The following PHF21A variants were observed in gnomAD, a reference collection of about 807,000 sequenced individuals.
PHF21A encodes BHC80a.
Under a neutral mutation model 82.5 loss-of-function variants are expected in PHF21A, and 11 were observed. The ratio of observed to expected loss-of-function variants is 0.13; its 90% CI spans 0.08 to 0.22. The LOEUF (loss-of-function observed/expected upper bound fraction) is 0.22. Among genes scored for constraint, PHF21A ranks in the 10% least tolerant of loss-of-function variants. PHF21A has a pLI of 1.00. For missense variants in PHF21A, 579 were observed against 837.8 expected (o/e 0.69, Z 3.81); for synonymous variants, 297 against 302.8 (o/e 0.98, Z 0.20).
At chr11:45,945,543 T>C (rs1378887326) in intron 15 of PHF21A, among the ~76,000 whole-genome samples, 2 of 152,190 alleles carry the variant, frequency 1.3e-5, no homozygotes, top group Non-Finnish European at 2.9e-5. Flanking sequence ...CTCAACTGTA[T>C]GAGCTGATCT....
intron 10 of PHF21A, among the ~76,000 whole-genome samples, chr11:45,954,198 T>C (rs2092437657): frequency 6.6e-6 from 1 of 152,098 alleles, no homozygotes; most frequent in Admixed American, 6.5e-5. Context: ...GGTTTCACCA[T>C]GTTGGTCAGG....
rs141651690 is a variant in PHF21A at position 45,965,362 on chromosome 11, C to A, written c.949G>T (p.Ala317Ser). Residue 317 changes from alanine (A) to serine (S), a missense_variant, in exon 10 of 19, where the codon GCT (alanine) becomes TCT (serine). Coordinates refer to ENST00000676320, the MANE Select transcript of PHF21A (RefSeq NM_001352027.3). Reference protein sequence around the residue: ...IVIATPGTRLAGPQTVQLSKP... With the variant: ...IVIATPGTRLSGPQTVQLSKP... ...CTAAGCTGTACAGTTTGAGGTCCAGCGAGTCTGGTCCCTGGAGTAGCTATC... is the reference window on the plus strand; with the variant it reads ...CTAAGCTGTACAGTTTGAGGTCCAGAGAGTCTGGTCCCTGGAGTAGCTATC... The A allele has an allele frequency of 1.2e-6, 2 of 1,613,904 alleles. No individual in the cohort carries two copies. Among genetic ancestry groups the A allele is most frequent in the Non-Finnish European group, 1.7e-6 (2 of 1,179,954 alleles).
intron 6 of PHF21A, among the ~76,000 whole-genome samples, chr11:46,069,231 G>A (rs2096628748): frequency 6.6e-6 from 1 of 152,138 alleles, no homozygotes; most frequent in Admixed American, 6.5e-5. Context: ...TACATTTCCT[G>A]TATTTGATGA....
At chr11:45,947,193 G>C (rs2091422950) in intron 14 of PHF21A, among the ~76,000 whole-genome samples, 1 of 152,172 alleles carries the variant, frequency 6.6e-6, no homozygotes, top group Non-Finnish European at 1.5e-5. Context: ...TGTGGGTACA[G>C]AAAGTCTAGG....
At chr11:46,062,416 T>C (rs1376857334) in intron 6 of PHF21A, among the ~76,000 whole-genome samples, 1 of 152,180 alleles carries the variant, frequency 6.6e-6, no homozygotes, top group African/African-American at 2.4e-5. Context: ...TCCATCTATT[T>C]ATTGAGAAAC....
Position 46,040,890 on chromosome 11 carries a change from G to GACACACAC in PHF21A, c.153+35856_153+35863dup, listed in dbSNP as rs35673374. Reference sequence around the variant, plus strand: ...ACCCTTAGAACTACACTGACAGGAAGACACACACACACACACACACACACA... The same window carrying GACACACAC: ...ACCCTTAGAACTACACTGACAGGAAGACACACACACACACACACACACACACACACACA... On this transcript the variant is annotated intron_variant, in intron 6 of 18. Coordinates refer to ENST00000676320, the MANE Select transcript of PHF21A (RefSeq NM_001352027.3). 5.7e-3 allele frequency among the ~76,000 whole-genome samples: 783 copies of GACACACAC among 137,290 alleles called. 3 individuals carry two copies. The highest frequency in any genetic ancestry group is 0.017 in the African/African-American group (610 of 36,810). 90.1% of individuals were successfully genotyped at this position (137,290 alleles called of 152,430 possible). A position where few individuals can be genotyped will look rare whatever the true frequency, so the allele number is the denominator to read the frequency against.
At chr11:46,103,791 C>G (rs994963304) in intron 1 of PHF21A, among the ~76,000 whole-genome samples, 1 of 152,116 alleles carries the variant, frequency 6.6e-6, no homozygotes, top group African/African-American at 2.4e-5. Context: ...ACGTTCAGAT[C>G]CTGATCAGTA....
chr11:46,030,830 C>CGTGTGTGTGTGCGTGTGTGTGCGT (rs2095850928), intron 6 of PHF21A, among the ~76,000 whole-genome samples: 13 of 142,310 alleles, frequency 9.1e-5, no homozygotes, highest in African/African-American at 3.1e-4. Flanking sequence ...CGTGTGTGTG[C>CGTGTGTGTGTGCGTGTGTGTGCGT]GTGTGTGTGT....
chr11:46,016,347 C>T (rs186280535), intron 6 of PHF21A, among the ~76,000 whole-genome samples: 4 of 152,300 alleles, frequency 2.6e-5, no homozygotes, highest in Admixed American at 2.0e-4. Context: ...GCATTTAAGG[C>T]CCTTAACAAC....
At chr11:45,949,304 G>T in intron 13 of PHF21A, 98 bp downstream of exon 13, 1 of 963,268 alleles carries the variant, frequency 1.0e-6, no homozygotes, top group South Asian at 1.3e-5. Flanking sequence ...AGTACAATCA[G>T]GGTGCTGCTC....
intron 6 of PHF21A, among the ~76,000 whole-genome samples, chr11:46,075,399 T>C (rs1592861827): frequency 6.6e-6 from 1 of 152,220 alleles, no homozygotes; most frequent in African/African-American, 2.4e-5. Flanking sequence ...GACTCATTCA[T>C]TGGCGTCTTG....
Position 45,998,633 on chromosome 11 carries a change from C to A in PHF21A, c.154-18667G>T, listed in dbSNP as rs138997291. On this transcript the variant is annotated intron_variant, in intron 6 of 18. Coordinates refer to ENST00000676320, the MANE Select transcript of PHF21A (RefSeq NM_001352027.3). The stretch of plus-strand genomic sequence containing the variant: ...GTTCAAGTGATTCTCCTGCCTCAGC[C>A]TCCCGAGTAGCTGGGATTACAGGTA... Among the ~76,000 whole-genome samples, 669 of 151,968 alleles carry A rather than the reference C, an allele frequency of 4.4e-3. 5 individuals carry two copies. The highest frequency in any genetic ancestry group is 0.015 in the African/African-American group (620 of 41,416).
intron 14 of PHF21A, 113 bp downstream of exon 14, chr11:45,948,773 T>C: frequency 1.3e-6 from 1 of 787,854 alleles, no homozygotes; most frequent in Non-Finnish European, 2.3e-6. Flanking sequence ...ACAAAACTAT[T>C]TTCAAAGGAT....
At chr11:46,069,671 G>C (rs1033744322) in intron 6 of PHF21A, among the ~76,000 whole-genome samples, 1 of 152,142 alleles carries the variant, frequency 6.6e-6, no homozygotes, top group Non-Finnish European at 1.5e-5. Context: ...AAATAAAACT[G>C]AATGAAGAGT....
At chr11:46,070,003 A>G (rs1364718635) in intron 6 of PHF21A, among the ~76,000 whole-genome samples, 2 of 152,234 alleles carry the variant, frequency 1.3e-5, no homozygotes, top group Non-Finnish European at 2.9e-5. Flanking sequence ...GAATATGGAA[A>G]GAGACATATT....
intron 6 of PHF21A, among the ~76,000 whole-genome samples, chr11:46,060,737 G>A (rs2096525531): frequency 6.6e-6 from 1 of 152,218 alleles, no homozygotes; most frequent in East Asian, 1.9e-4. Context: ...CAGATGCACA[G>A]TTTGCAAACA....
chr11:46,004,560 ATATTCTC>A (rs1265165152), intron 6 of PHF21A, among the ~76,000 whole-genome samples: 1 of 152,170 alleles, frequency 6.6e-6, no homozygotes, highest in Non-Finnish European at 1.5e-5. Context: ...CTATGACAGA[ATATTCTC>A]TATTCTTTTC....
intron 7 of PHF21A, among the ~76,000 whole-genome samples, chr11:45,974,758 A>G (rs1303546016): frequency 1.3e-5 from 2 of 151,918 alleles, no homozygotes; most frequent in African/African-American, 4.8e-5. Context: ...CAACCAAGAG[A>G]TTTATTTATA....
At chr11:45,968,569 T>G (rs1265103423) in intron 9 of PHF21A, among the ~76,000 whole-genome samples, 2 of 152,192 alleles carry the variant, frequency 1.3e-5, no homozygotes, top group East Asian at 3.8e-4. Flanking sequence ...CAGCTAGGAT[T>G]TTAGGTCAGA....
Sources: gnomAD v4.1 joint callset for allele counts (sites outside exome capture counted in the v4.1 genomes callset) on GRCh38, gnomAD v4.1.1 for gene constraint, MANE v1.5 for transcripts, NCBI Gene and HGNC (gene_info 2026-07-23, HGNC 2026-07-21) for gene names.